The following C3orf70 variants were observed in gnomAD, a reference collection of about 807,000 sequenced individuals.
C3orf70 encodes UPF0524 protein C3orf70.
C3orf70 carries 15 observed loss-of-function variants against 20.7 expected under a neutral mutation model. That is an observed-to-expected ratio of 0.72 (90% CI 0.48 to 1.11). C3orf70 has a LOEUF of 1.11. Among genes scored for constraint, C3orf70 ranks in the 50% most tolerant of loss-of-function variants. C3orf70 has a pLI of 0.00. For missense variants in C3orf70, 332 were observed against 317.6 expected (o/e 1.05, Z -0.34); for synonymous variants, 161 against 125.7 (o/e 1.28, Z -1.88).
chr3:185,137,217 A>T (rs979114232), intron 1 of C3orf70, among the ~76,000 whole-genome samples: 1 of 152,184 alleles, frequency 6.6e-6, no homozygotes, highest in South Asian at 2.1e-4. Context: ...CATCCACGTA[A>T]GATGTGACTT....
chr3:185,109,534 T>C (rs528661334), intron 1 of C3orf70, among the ~76,000 whole-genome samples: 2 of 152,298 alleles, frequency 1.3e-5, no homozygotes, highest in African/African-American at 4.8e-5. Flanking sequence ...GCCACTCATC[T>C]GGGGACAGAT....
intron 1 of C3orf70, among the ~76,000 whole-genome samples, chr3:185,141,862 T>C (rs918636890): frequency 1.3e-5 from 2 of 149,408 alleles, no homozygotes; most frequent in Non-Finnish European, 3.0e-5. Flanking sequence ...CACTGAAAAG[T>C]CCTAAATGCA....
chr3:185,143,058 A>G (rs1441481224), intron 1 of C3orf70, among the ~76,000 whole-genome samples: 1 of 152,204 alleles, frequency 6.6e-6, no homozygotes, highest in Non-Finnish European at 1.5e-5. Context: ...TTTCTTTACC[A>G]TTAAGAAAAC....
At chr3:185,095,687 C>A (rs1715685666) in intron 1 of C3orf70, among the ~76,000 whole-genome samples, 1 of 151,004 alleles carries the variant, frequency 6.6e-6, no homozygotes, top group Admixed American at 6.6e-5. Flanking sequence ...GTATATTATT[C>A]AAGAACCTCA....
Position 185,152,561 on chromosome 3 carries a change from ACCCCGGACGGCCCGGCGGGCGTC to A in C3orf70, c.196+44_196+66del, listed in dbSNP as rs1242694085. ...CCGCGGCCGCAGAGTTCCGGCAGCG[ACCCCGGACGGCCCGGCGGGCGTC>A]CCCCGGACCGCGGCGGAAGGCGGGA... On this transcript the variant is annotated intron_variant, in intron 1 of 1. Coordinates refer to ENST00000335012, the MANE Select transcript of C3orf70 (RefSeq NM_001025266.3). 7.1e-5 allele frequency: 102 copies of A among 1,432,516 alleles called. No homozygotes were observed. The African/African-American group carries it at 1.3e-3, about 18-fold the overall frequency. The allele number at this position is 1,432,516 out of a possible 1,614,324, so 88.7% of individuals were successfully genotyped here.
intron 1 of C3orf70, among the ~76,000 whole-genome samples, chr3:185,123,362 C>T (rs1415100673): frequency 6.6e-6 from 1 of 151,872 alleles, no homozygotes; most frequent in Non-Finnish European, 1.5e-5. Flanking sequence ...GTAGTGGTGA[C>T]CCATCGTGGT....
intron 1 of C3orf70, among the ~76,000 whole-genome samples, chr3:185,130,267 A>G (rs1031533067): frequency 1.3e-5 from 2 of 152,030 alleles, no homozygotes; most frequent in Non-Finnish European, 2.9e-5. Flanking sequence ...TGGCTAACAC[A>G]GTGAAACCCT....
At chr3:185,148,850 T>C (rs1249553867) in intron 1 of C3orf70, among the ~76,000 whole-genome samples, 1 of 152,216 alleles carries the variant, frequency 6.6e-6, no homozygotes. Context: ...CACCAAGCAC[T>C]GAATCTGTGA....
At position 185,122,882 on chromosome 3, in the gene C3orf70, G is replaced by A. The variant is rs1432988211; in HGVS notation, c.196+29746C>T. ...AAAAAATTGACTCCATGGGCCAGGC[G>A]CAGTGGCTCATGCCTGTAATCCCAG... is the stretch of plus-strand genomic sequence containing the variant. On this transcript the variant is annotated intron_variant, in intron 1 of 1. Transcript: ENST00000335012. Among the ~76,000 whole-genome samples, 7 of 151,838 alleles carry A rather than the reference G, an allele frequency of 4.6e-5. No individual in the cohort carries two copies. The East Asian group carries it at 7.7e-4, about 17-fold the overall frequency.
chr3:185,143,789 T>C (rs763879714), intron 1 of C3orf70, among the ~76,000 whole-genome samples: 181 of 152,308 alleles, frequency 1.2e-3, no homozygotes, highest in Non-Finnish European at 2.2e-3. Flanking sequence ...TATGTTCAGT[T>C]TCACTTTAAC....
chr3:185,093,571 G>T (rs1396879343), intron 1 of C3orf70, among the ~76,000 whole-genome samples: 1 of 151,970 alleles, frequency 6.6e-6, no homozygotes, highest in African/African-American at 2.4e-5. Context: ...ATCCAGTTTG[G>T]GTCACATAAA....
At chr3:185,100,881 A>C (rs1715807809) in intron 1 of C3orf70, among the ~76,000 whole-genome samples, 1 of 152,334 alleles carries the variant, frequency 6.6e-6, no homozygotes, top group African/African-American at 2.4e-5. Flanking sequence ...CAGAAATACA[A>C]ATAACCATCA....
At chr3:185,127,125 T>C (rs1716427116) in intron 1 of C3orf70, among the ~76,000 whole-genome samples, 2 of 152,208 alleles carry the variant, frequency 1.3e-5, no homozygotes, top group African/African-American at 4.8e-5. Flanking sequence ...GTCCCTTTTA[T>C]ATGCCTGAAT....
At chr3:185,084,195 A>C (rs1320892596) in intron 1 of C3orf70, among the ~76,000 whole-genome samples, 2 of 145,822 alleles carry the variant, frequency 1.4e-5, no homozygotes, top group South Asian at 2.2e-4. Context: ...AAAAAAAAAC[A>C]ACCAAGTTGT....
intron 1 of C3orf70, among the ~76,000 whole-genome samples, chr3:185,111,729 A>G (rs1716076777): frequency 1.3e-5 from 2 of 152,344 alleles, no homozygotes; most frequent in Admixed American, 1.3e-4. Context: ...GTGCAAGTCC[A>G]GTCAGTAAGG....
At chr3:185,106,030 C>G (rs1715931209) in intron 1 of C3orf70, among the ~76,000 whole-genome samples, 1 of 152,138 alleles carries the variant, frequency 6.6e-6, no homozygotes, top group South Asian at 2.1e-4. Flanking sequence ...TCTGCACCCC[C>G]TCATTATTAT....
intron 1 of C3orf70, among the ~76,000 whole-genome samples, chr3:185,092,204 T>C (rs1715605956): frequency 6.6e-6 from 1 of 151,916 alleles, no homozygotes; most frequent in African/African-American, 2.4e-5. Flanking sequence ...AACATGAAAA[T>C]GCTTTCAAAG....
intron 1 of C3orf70, among the ~76,000 whole-genome samples, chr3:185,087,824 C>T (rs1425272403): frequency 1.3e-5 from 2 of 151,860 alleles, no homozygotes; most frequent in African/African-American, 4.8e-5. Flanking sequence ...TATATTTTAC[C>T]AAAATTTACC....
chr3:185,083,406 A>G lies in C3orf70; in HGVS notation c.354T>C (p.Pro118=), dbSNP rs965372678. Residue 118 remains proline (P), a synonymous_variant, in exon 2 of 2, where the codon CCT becomes CCC. Coordinates refer to ENST00000335012, the MANE Select transcript of C3orf70 (RefSeq NM_001025266.3). ...FASVFQPPLP[P]DSPRYCMISD... ...AAATCATACAGTACCTCGGTGAGTC[A>G]GGGGGAAGGGGAGGCTGGAAGACAG... 13 of 1,614,046 alleles carry G rather than the reference A, an allele frequency of 8.1e-6. No individual in the cohort carries two copies. In the African/African-American group the frequency reaches 1.6e-4, roughly 20 times the overall value.
Sources: gnomAD v4.1 joint callset for allele counts (sites outside exome capture counted in the v4.1 genomes callset) on GRCh38, gnomAD v4.1.1 for gene constraint, MANE v1.5 for transcripts, NCBI Gene and HGNC (gene_info 2026-07-23, HGNC 2026-07-21) for gene names.